Variants in TMEM121 observed in about 807,000 individuals in gnomAD.
TMEM121 encodes the protein transmembrane protein 121A.
TMEM121 carries 8 observed loss-of-function variants against 16.4 expected under a neutral mutation model. The observed-to-expected ratio is 0.49, with a 90% CI of 0.29 to 0.88. TMEM121 has a LOEUF of 0.88. TMEM121 is among the 40% of genes least tolerant of loss of function. TMEM121 has a pLI of 0.09. For missense variants in TMEM121, 401 were observed against 462.0 expected (o/e 0.87, Z 1.21); for synonymous variants, 235 against 226.2 (o/e 1.04, Z -0.35).
Position 105,529,126 on chromosome 14 carries a change from A to C in TMEM121, c.292A>C (p.Lys98Gln). Residue 98 changes from lysine to glutamine, a missense_variant, in exon 2 of 2, where the codon AAG becomes CAG. Lys to Gln is a moderately conservative substitution (Grantham distance 53). Transcript: ENST00000392519. ...IKLYFIFQNY[K>Q]AARRGAADPV... Reference sequence around the variant, plus strand: ...GCTCTACTTCATCTTCCAGAACTACAAGGCGGCGCGGCGCGGCGCGGCGGA... The same window carrying C: ...GCTCTACTTCATCTTCCAGAACTACCAGGCGGCGCGGCGCGGCGCGGCGGA... 2.5e-6 allele frequency: 4 copies of C among 1,608,884 alleles called. No individual in the cohort carries two copies. The African/African-American group carries it at 5.3e-5, about 21-fold the overall frequency.
In TMEM121 at chr14:105,528,865, G is replaced by C; in HGVS notation, c.31G>C (p.Val11Leu). Reference protein sequence around the residue: MVLPPPDRRHVCLTTLVIMGS... With the variant: MVLPPPDRRHLCLTTLVIMGS... Reference sequence around the variant, plus strand: ...GCTGCCGCCCCCGGACCGGCGCCACGTGTGCCTGACCACGCTGGTGATCAT... The same window carrying C: ...GCTGCCGCCCCCGGACCGGCGCCACCTGTGCCTGACCACGCTGGTGATCAT... Residue 11 changes from valine to leucine, a missense_variant, in exon 2 of 2, where the codon GTG (valine) becomes CTG (leucine). Val to Leu is a conservative substitution (Grantham distance 32, BLOSUM62 1). Coordinates refer to ENST00000392519, the MANE Select transcript of TMEM121 (RefSeq NM_025268.4). The C allele has an allele frequency of 6.5e-7, 1 of 1,546,660 alleles. No homozygotes were observed. Among genetic ancestry groups the C allele is most frequent in the African/African-American group, 1.4e-5 (1 of 73,056 alleles).
Position 105,529,907 on chromosome 14 carries a change from C to T in TMEM121, c.*113C>T. 1.8e-6 allele frequency: 2 copies of T among 1,096,028 alleles called. No individual in the cohort carries two copies. The highest frequency in any genetic ancestry group is 3.1e-5 in the East Asian group (1 of 31,858). 67.9% of individuals were successfully genotyped at this position (1,096,028 alleles called of 1,614,324 possible). On this transcript the variant is annotated 3_prime_UTR_variant, in exon 2 of 2. Coordinates refer to ENST00000392519, the MANE Select transcript of TMEM121 (RefSeq NM_025268.4). The stretch of plus-strand genomic sequence containing the variant: ...GGCGGGCTCCCCTAGGGACAGGTGC[C>T]TCGAGTGCCCGTGCCTGGGGTCCCG...
Position 105,529,858 on chromosome 14 carries a change from G to A in TMEM121, c.*64G>A, listed in dbSNP as rs2084629533. The A allele has an allele frequency of 2.2e-6, 3 of 1,358,836 alleles. No homozygotes were observed. The highest frequency in any genetic ancestry group is 3.9e-5 in the Admixed American group (1 of 25,414). 84.2% of individuals were successfully genotyped at this position (1,358,836 alleles called of 1,614,324 possible). On this transcript the variant is annotated 3_prime_UTR_variant, in exon 2 of 2. Transcript: ENST00000392519. ...GAGACACCGGGTTGGCTTGGGGCGC[G>A]CGGTTTGCATGGGATGGGGTGGGGG...
rs1555444291 is a variant in TMEM121, at chr14:105,529,536, C to T, written c.702C>T (p.Ala234=). The T allele has an allele frequency of 6.5e-7, 1 of 1,542,436 alleles. No individual in the cohort carries two copies. Among genetic ancestry groups the T allele is most frequent in the Non-Finnish European group, 8.7e-7 (1 of 1,146,506 alleles). ...TVNVVAVLAR[A]ANMALFRDSR... is the part of the protein sequence containing the mutation. ...ATGTGGTGGCCGTGCTGGCGCGCGC[C>T]GCCAACATGGCGCTGTTCCGGGACA... The change falls in exon 2 of 2, where the codon GCC becomes GCT. Residue 234 remains alanine (A), a synonymous_variant. Coordinates refer to ENST00000392519, the MANE Select transcript of TMEM121 (RefSeq NM_025268.4).
At position 105,529,563 on chromosome 14, in the gene TMEM121, C is replaced by T. The variant is rs2084624101; in HGVS notation, c.729C>T (p.Ser243=). ...CCAACATGGCGCTGTTCCGGGACAG[C>T]CGTGTCTCGGCCATCTTCGTCGGCA... The part of the protein sequence containing the change: ...RAANMALFRD[S]RVSAIFVGKN... Residue 243 remains serine (S), a synonymous_variant, in exon 2 of 2, where the codon AGC becomes AGT. Coordinates refer to ENST00000392519, the MANE Select transcript of TMEM121 (RefSeq NM_025268.4). 6.4e-7 allele frequency: 1 copy of T among 1,551,830 alleles called. No individual in the cohort carries two copies.
chr14:105,530,013 CTGTT>C lies in TMEM121; in HGVS notation c.*222_*225del. ...CACCAGCCCGCCCCAGCGCGTGGGT[CTGTT>C]TGGGAGGCCTGGGCCGGAGCAGAGC... is the stretch of plus-strand genomic sequence containing the variant. On this transcript the variant is annotated 3_prime_UTR_variant, in exon 2 of 2. Coordinates refer to ENST00000392519, the MANE Select transcript of TMEM121 (RefSeq NM_025268.4). 1 of 526,346 alleles carries C rather than the reference CTGTT, an allele frequency of 1.9e-6. No individual in the cohort carries two copies. The highest frequency in any genetic ancestry group is 3.3e-6 in the Non-Finnish European group (1 of 304,048). 32.6% of individuals were successfully genotyped at this position (526,346 alleles called of 1,614,324 possible).
At position 105,529,587 on chromosome 14, in the gene TMEM121, C is replaced by T; in HGVS notation, c.753C>T (p.Gly251=). ...GCCGTGTCTCGGCCATCTTCGTCGG[C>T]AAAAACGTGGTGGCGCTCGCCACCA... ...RDSRVSAIFV[G]KNVVALATKA... The change falls in exon 2 of 2, where the codon GGC becomes GGT. Residue 251 remains glycine (G), a synonymous_variant. Transcript: ENST00000392519. The T allele has an allele frequency of 1.3e-6, 2 of 1,568,318 alleles. No individual in the cohort carries two copies. Among genetic ancestry groups the T allele is most frequent in the Non-Finnish European group, 1.7e-6 (2 of 1,164,682 alleles).
chr14:105,527,684 A>C (rs1252361448), intron 1 of TMEM121, among the ~76,000 whole-genome samples: 2 of 151,852 alleles, frequency 1.3e-5, no homozygotes, highest in Non-Finnish European at 2.9e-5. Flanking sequence ...CCCGACTGTC[A>C]CGGGGACATT....
chr14:105,529,951 A>C lies in TMEM121; in HGVS notation c.*157A>C, dbSNP rs1173568422. The C allele has an allele frequency of 5.6e-6, 4 of 718,586 alleles. No homozygotes were observed. The highest frequency in any genetic ancestry group is 8.4e-6 in the Non-Finnish European group (4 of 473,970). The allele number at this position is 718,586 out of a possible 1,614,324, so 44.5% of individuals were successfully genotyped here. On this transcript the variant is annotated 3_prime_UTR_variant, in exon 2 of 2. Transcript: ENST00000392519. ...GGTCCCGCGGCCGCTTCTTCATCTC[A>C]GGAATCTCTCGGACCGCGGATCCTC...
rs1321829574 is a variant in TMEM121 at position 105,529,738 on chromosome 14, G to A, written c.904G>A (p.Gly302Ser). ...SVPPPPPPLHGPPGRPHMSSP... is the reference protein window; with the variant it reads ...SVPPPPPPLHSPPGRPHMSSP... Reference sequence around the variant, plus strand: ...GCCGCCGCCGCCGCCGCCGCTGCACGGCCCGCCTGGGCGCCCCCACATGTC... The same window carrying A: ...GCCGCCGCCGCCGCCGCCGCTGCACAGCCCGCCTGGGCGCCCCCACATGTC... Residue 302 changes from glycine to serine, a missense_variant, in exon 2 of 2, where the codon GGC (glycine) becomes AGC (serine). Coordinates refer to ENST00000392519, the MANE Select transcript of TMEM121 (RefSeq NM_025268.4). 4.0e-6 allele frequency: 6 copies of A among 1,508,402 alleles called. No homozygotes were observed. The East Asian group carries it at 1.0e-4, about 25-fold the overall frequency. The allele number at this position is 1,508,402 out of a possible 1,614,324, so 93.4% of individuals were successfully genotyped here.
Position 105,528,780 on chromosome 14 carries a change from C to A in TMEM121, c.-55C>A. Reference sequence around the variant, plus strand: ...CCGCTGGCTGAGCGCCGCAGGGCCTCGTCCCGCCAGGCGTGGGGGCCGCGC... The same window carrying A: ...CCGCTGGCTGAGCGCCGCAGGGCCTAGTCCCGCCAGGCGTGGGGGCCGCGC... On this transcript the variant is annotated 5_prime_UTR_variant, in exon 2 of 2. Transcript: ENST00000392519. 3.1e-6 allele frequency: 4 copies of A among 1,271,388 alleles called. No individual in the cohort carries two copies. The highest frequency in any genetic ancestry group is 3.9e-6 in the Non-Finnish European group (4 of 1,014,864). 78.8% of individuals were successfully genotyped at this position (1,271,388 alleles called of 1,614,324 possible).
chr14:105,529,464 G>T lies in TMEM121; in HGVS notation c.630G>T (p.Ala210=), dbSNP rs1413635764. The change falls in exon 2 of 2, where the codon GCG becomes GCT. Residue 210 remains alanine, a synonymous_variant. Transcript: ENST00000392519. ...SEVSMQGEHI[A]PQKMMLYPVL... ...TCAGCATGCAGGGCGAGCACATAGC[G>T]CCGCAGAAGATGATGCTGTACCCGG... 2.0e-5 allele frequency: 31 copies of T among 1,546,282 alleles called. No homozygotes were observed. In the Middle Eastern group the frequency reaches 9.2e-4, roughly 46 times the overall value.
chr14:105,530,043 A>C lies in TMEM121; in HGVS notation c.*249A>C, dbSNP rs1454875626. On this transcript the variant is annotated 3_prime_UTR_variant, in exon 2 of 2. Transcript: ENST00000392519. ...TGGGAGGCCTGGGCCGGAGCAGAGC[A>C]GAGGTGATCCGGCCCCTGCCTGCTG... 4.4e-6 allele frequency: 2 copies of C among 459,300 alleles called. No homozygotes were observed. Among genetic ancestry groups the C allele is most frequent in the Non-Finnish European group, 7.7e-6 (2 of 259,496 alleles). 28.5% of individuals were successfully genotyped at this position (459,300 alleles called of 1,614,324 possible). A position where few individuals can be genotyped will look rare whatever the true frequency, so the allele number is the denominator to read the frequency against.
rs10569304 is a variant in TMEM121, at chr14:105,529,712, TGCCGCCGCC to T, written c.890_898del (p.Pro297_Pro299del). 9.9e-5 allele frequency: 151 copies of T among 1,527,566 alleles called. No homozygotes were observed. The highest frequency in any genetic ancestry group is 1.8e-4 in the Middle Eastern group (1 of 5,692). The allele number at this position is 1,527,566 out of a possible 1,614,324, so 94.6% of individuals were successfully genotyped here. A position where few individuals can be genotyped will look rare whatever the true frequency, so the allele number is the denominator to read the frequency against. ...CCGCCACCCCCGCAGCGCAACTCGG[TGCCGCCGCC>T]GCCGCCGCCGCTGCACGGCCCGCCT... On this transcript the variant is annotated inframe_deletion, in exon 2 of 2. Transcript: ENST00000392519.
rs782251954 is a variant in TMEM121, at chr14:105,529,128, G to GGCGGC, written c.311_315dup (p.Asp106ArgfsTer10). 1.6e-5 allele frequency: 26 copies of GGCGGC among 1,607,612 alleles called. No homozygotes were observed. The highest frequency in any genetic ancestry group is 1.7e-5 in the Non-Finnish European group (20 of 1,178,656). ...TCTACTTCATCTTCCAGAACTACAAGGCGGCGCGGCGCGGCGCGGCGGACC... is the reference window on the plus strand; with the variant it reads ...TCTACTTCATCTTCCAGAACTACAAGGCGGCGCGGCGCGGCGCGGCGCGGCGGACC... On this transcript the variant is annotated frameshift_variant, in exon 2 of 2. Transcript: ENST00000392519. LOFTEE classifies it high-confidence loss of function.
chr14:105,527,847 C>G (rs1368776000), intron 1 of TMEM121, among the ~76,000 whole-genome samples: 1 of 151,988 alleles, frequency 6.6e-6, no homozygotes, highest in African/African-American at 2.4e-5. Flanking sequence ...TGTGCACAGG[C>G]CCAGGTGCGG....
chr14:105,529,087 G>T lies in TMEM121; in HGVS notation c.253G>T (p.Val85Leu), dbSNP rs140248878. Reference protein sequence around the residue: ...AMILWFLYIFVLEIKLYFIFQ... With the variant: ...AMILWFLYIFLLEIKLYFIFQ... The stretch of plus-strand genomic sequence containing the variant: ...GATCCTGTGGTTCCTTTACATCTTC[G>T]TGCTGGAGATCAAGCTCTACTTCAT... Residue 85 changes from valine (V) to leucine (L), a missense_variant, in exon 2 of 2, where the codon GTG (valine) becomes TTG (leucine). Physicochemically the swap from Val to Leu is conservative, Grantham distance 32. Coordinates refer to ENST00000392519, the MANE Select transcript of TMEM121 (RefSeq NM_025268.4). 6.2e-7 allele frequency: 1 copy of T among 1,611,920 alleles called. No individual in the cohort carries two copies. Among genetic ancestry groups the T allele is most frequent in the South Asian group, 1.1e-5 (1 of 91,068 alleles).
Position 105,526,879 on chromosome 14 carries a change from G to A in TMEM121, c.-114+226G>A, listed in dbSNP as rs1334878910. ...ACGCAGCCTGCTGGGAGCGGCCCAA[G>A]CTCTGCACCGGCCCGCGGCGGGAGC... On this transcript the variant is annotated intron_variant, in intron 1 of 1. Transcript: ENST00000392519. This position sits in a 1 kb window ranked among gnomAD's most constrained non-coding sequence, Gnocchi z 6.8. 1.3e-5 allele frequency among the ~76,000 whole-genome samples: 2 copies of A among 152,004 alleles called. No individual in the cohort carries two copies. Among genetic ancestry groups the A allele is most frequent in the Non-Finnish European group, 2.9e-5 (2 of 67,934 alleles).
chr14:105,528,776 G>A lies in TMEM121; in HGVS notation c.-59G>A, dbSNP rs143395059. ...ATGCCCGCTGGCTGAGCGCCGCAGG[G>A]CCTCGTCCCGCCAGGCGTGGGGGCC... On this transcript the variant is annotated 5_prime_UTR_variant, in exon 2 of 2. Coordinates refer to ENST00000392519, the MANE Select transcript of TMEM121 (RefSeq NM_025268.4). 2.0e-5 allele frequency: 25 copies of A among 1,263,096 alleles called. No individual in the cohort carries two copies. In the South Asian group the frequency reaches 4.5e-4, roughly 23 times the overall value. 78.2% of individuals were successfully genotyped at this position (1,263,096 alleles called of 1,614,324 possible).
Sources: allele counts gnomAD v4.1 joint callset (sites outside exome capture counted in the v4.1 genomes callset), GRCh38; gene constraint gnomAD v4.1.1; non-coding constraint Gnocchi (gnomAD v3.1); transcripts MANE v1.5; gene names NCBI Gene and HGNC (gene_info 2026-07-23, HGNC 2026-07-21).